Variants in THOC5 observed in about 807,000 individuals in gnomAD.
The protein encoded by THOC5 is THO complex subunit 5.
Under a neutral mutation model 92.9 loss-of-function variants are expected in THOC5, and 43 were observed. That is an observed-to-expected ratio of 0.46 (90% CI 0.36 to 0.60). The LOEUF (loss-of-function observed/expected upper bound fraction) is 0.60. Among genes scored for constraint, THOC5 ranks in the 20% least tolerant of loss-of-function variants. The pLI, the probability that THOC5 is intolerant of heterozygous loss-of-function variation, is 0.00. For missense variants in THOC5, 659 were observed against 849.4 expected, an observed-to-expected ratio of 0.78 and a Z score of 2.79; for synonymous variants, 296 against 320.1, an observed-to-expected ratio of 0.92 and a Z score of 0.80.
intron 15 of THOC5, among the ~76,000 whole-genome samples, chr22:29,518,697 C>A (rs1477571234): frequency 6.6e-6 from 1 of 152,242 alleles, no homozygotes; most frequent in Non-Finnish European, 1.5e-5. Flanking sequence ...GTCGAATGCA[C>A]ATCAAAATCT....
At chr22:29,516,967 A>G in intron 17 of THOC5, 62 bp downstream of exon 17, 1 of 1,536,504 alleles carries the variant, frequency 6.5e-7, no homozygotes, top group Non-Finnish European at 9.0e-7. Context: ...GCAGCCCCGG[A>G]GAGTGTTTGA....
At position 29,543,048 on chromosome 22, in the gene THOC5, A is replaced by G. The variant is rs1366082647; in HGVS notation, c.355-92T>C. 1.4e-5 allele frequency: 13 copies of G among 911,188 alleles called. No homozygotes were observed. In the South Asian group the frequency reaches 1.8e-4, roughly 13 times the overall value. The allele number at this position is 911,188 out of a possible 1,614,324, so 56.4% of individuals were successfully genotyped here. A position where few individuals can be genotyped will look rare whatever the true frequency, so the allele number is the denominator to read the frequency against. On this transcript the variant is annotated intron_variant, in intron 4 of 19. Coordinates refer to ENST00000490103, the MANE Select transcript of THOC5 (RefSeq NM_003678.5). ...AACTAAGAGAAGGTGTAAAGGGAAT[A>G]AAGAAGGGGATGGGGCTGGGTGCAG...
intron 2 of THOC5, 101 bp from the exon 3 acceptor site, chr22:29,544,704 A>G: frequency 8.2e-7 from 1 of 1,224,030 alleles, no homozygotes; most frequent in South Asian, 1.7e-5. Flanking sequence ...AAAAACAGTA[A>G]CAATGAAGCC....
intron 1 of THOC5, among the ~76,000 whole-genome samples, chr22:29,553,018 G>C (rs1031274557): frequency 6.6e-6 from 1 of 152,136 alleles, no homozygotes. Context: ...GATGTGCTTT[G>C]TTAAACAGAA....
chr22:29,530,946 G>A (rs2063642268), intron 8 of THOC5: 1 of 709,086 alleles, frequency 1.4e-6, no homozygotes, highest in Non-Finnish European at 1.8e-6. Flanking sequence ...TTCACCCCAA[G>A]CAACTAGTTG....
intron 9 of THOC5, 65 bp from the exon 10 acceptor site, chr22:29,528,531 A>T: frequency 6.4e-7 from 1 of 1,567,978 alleles, no homozygotes; most frequent in Non-Finnish European, 8.7e-7. Context: ...AAGCACTCCA[A>T]CCCACATGGC....
intron 1 of THOC5, among the ~76,000 whole-genome samples, chr22:29,549,533 A>G (rs2064099157): frequency 6.6e-6 from 1 of 152,146 alleles, no homozygotes; most frequent in Admixed American, 6.5e-5. Flanking sequence ...GGCCCTCCAC[A>G]TTCCTCTCCA....
rs1039277237 is a variant in THOC5 at position 29,506,677 on chromosome 22, T to TA, written c.*1779dup. The stretch of plus-strand genomic sequence containing the variant: ...ACAACAGAGCAAGACCCTGTCTCAA[T>TA]AAAAAAAAAATATTCTCCTCAAATG... On this transcript the variant is annotated 3_prime_UTR_variant, in exon 20 of 20. Transcript: ENST00000490103. 41 of 148,950 alleles carry TA rather than the reference T, an allele frequency of 2.8e-4. No individual in the cohort carries two copies. Among genetic ancestry groups the TA allele is most frequent in the Non-Finnish European group, 3.1e-4 (21 of 67,012 alleles). The allele number at this position is 148,950 out of a possible 1,614,324, so 9.2% of individuals were successfully genotyped here. A position where few individuals can be genotyped will look rare whatever the true frequency, so the allele number is the denominator to read the frequency against.
At chr22:29,522,975 T>C (rs1310140765) in intron 12 of THOC5, among the ~76,000 whole-genome samples, 2 of 152,072 alleles carry the variant, frequency 1.3e-5, no homozygotes, top group Non-Finnish European at 2.9e-5. Context: ...CACTCCAGCC[T>C]GGGCGACAGA....
rs2146415621 is a variant in THOC5, at chr22:29,507,547, C to T, written c.*910G>A. 6.6e-6 allele frequency: 1 copy of T among 152,174 alleles called. No homozygotes were observed. Among genetic ancestry groups the T allele is most frequent in the Middle Eastern group, 3.4e-3 (1 of 294 alleles). The allele number at this position is 152,174 out of a possible 1,614,324, so 9.4% of individuals were successfully genotyped here. On this transcript the variant is annotated 3_prime_UTR_variant, in exon 20 of 20. Transcript: ENST00000490103. ...CTAATTTCCATGTTTTTAGTAGAGA[C>T]AGGGTTTCACCATGTCGGCCAGGCT...
intron 11 of THOC5, 65 bp from the exon 12 acceptor site, chr22:29,526,011 TA>T (rs963294769): frequency 1.7e-6 from 1 of 602,038 alleles, no homozygotes; most frequent in Non-Finnish European, 2.9e-6. Flanking sequence ...AACAGAGTCA[TA>T]GGGGGTAGTA....
intron 6 of THOC5, among the ~76,000 whole-genome samples, chr22:29,538,800 GGA>G (rs534049324): frequency 0.38 from 12,192 of 32,316 alleles, 3,115 homozygotes; most frequent in Middle Eastern, 0.56. Context: ...CCATCTCTTT[GGA>G]AAAAAAAAAA....
At chr22:29,514,363 C>T (rs1181561784) in intron 17 of THOC5, among the ~76,000 whole-genome samples, 2 of 148,198 alleles carry the variant, frequency 1.3e-5, no homozygotes, top group Admixed American at 1.3e-4. Context: ...GTCACCCAGG[C>T]TGGAGTGCAG....
At chr22:29,536,781 T>G (rs1247530221) in intron 6 of THOC5, 43 bp from the exon 7 acceptor site, 1 of 1,087,810 alleles carries the variant, frequency 9.2e-7, no homozygotes, top group Non-Finnish European at 1.4e-6. Flanking sequence ...TATCCCCCAG[T>G]GATACCTCAA....
At chr22:29,550,817 T>C (rs1003491519) in intron 1 of THOC5, 1 of 152,342 alleles carries the variant, frequency 6.6e-6, no homozygotes, top group Non-Finnish European at 1.5e-5. Flanking sequence ...AGATGATGCA[T>C]AGGTGATCTT....
chr22:29,524,698 CCAA>C (rs2063509123), intron 12 of THOC5, among the ~76,000 whole-genome samples: 1 of 152,152 alleles, frequency 6.6e-6, no homozygotes, highest in Non-Finnish European at 1.5e-5. Flanking sequence ...CTGGGGGTGT[CCAA>C]CAACACTCTC....
rs141681769 is a variant in THOC5 at position 29,519,162 on chromosome 22, C to A, written c.1375-42G>T. ...GACACATACACGTGTGCTCCCCCAT[C>A]CCTTCCTCCGGGCACCATCTCTCTC... On this transcript the variant is annotated intron_variant, in intron 14 of 19. Coordinates refer to ENST00000490103, the MANE Select transcript of THOC5 (RefSeq NM_003678.5). 1.3e-4 allele frequency: 176 copies of A among 1,379,518 alleles called. No homozygotes were observed. The African/African-American group carries it at 2.2e-3, about 17-fold the overall frequency. The allele number at this position is 1,379,518 out of a possible 1,614,324, so 85.5% of individuals were successfully genotyped here.
At chr22:29,552,303 C>T (rs2064171535) in intron 1 of THOC5, among the ~76,000 whole-genome samples, 1 of 150,068 alleles carries the variant, frequency 6.7e-6, no homozygotes, top group South Asian at 2.1e-4. Context: ...AAGTGAGGAG[C>T]ACCTCTTCCC....
Position 29,508,378 on chromosome 22 carries a change from C to G in THOC5, c.*79G>C, listed in dbSNP as rs1163236191. The stretch of plus-strand genomic sequence containing the variant: ...GGTGTCTTTGGAGAATATCAAGAGT[C>G]ACATGTGGGCCAGAGCAGAAAGCAG... On this transcript the variant is annotated 3_prime_UTR_variant, in exon 20 of 20. Coordinates refer to ENST00000490103, the MANE Select transcript of THOC5 (RefSeq NM_003678.5). The G allele has an allele frequency of 7.1e-7, 1 of 1,406,680 alleles. No individual in the cohort carries two copies. Among genetic ancestry groups the G allele is most frequent in the Non-Finnish European group, 1.0e-6 (1 of 999,144 alleles). The allele number at this position is 1,406,680 out of a possible 1,614,324, so 87.1% of individuals were successfully genotyped here.
Sources: allele counts gnomAD v4.1 joint callset (sites outside exome capture counted in the v4.1 genomes callset), GRCh38; gene constraint gnomAD v4.1.1; transcripts MANE v1.5; gene names NCBI Gene and HGNC (gene_info 2026-07-23, HGNC 2026-07-21).